The following FANK1 variants were observed in gnomAD, a reference collection of about 807,000 sequenced individuals.
FANK1 encodes fibronectin type III and ankyrin repeat domains 1, also known as fibronectin type 3 and ankyrin repeat domains protein 1.
FANK1 carries 44 observed loss-of-function variants against 45.3 expected under a neutral mutation model. That is an observed-to-expected ratio of 0.97 (90% confidence interval 0.76 to 1.25). The LOEUF is 1.25. Ranked by LOEUF, FANK1 falls within the 50% of genes most tolerant of loss-of-function variation. FANK1 has a pLI of 0.00. For missense variants in FANK1, 391 were observed against 424.4 expected (o/e 0.92, Z 0.69); for synonymous variants, 149 against 152.5 (o/e 0.98, Z 0.17).
chr10:125,945,679 T>C (rs1306075663), intron 1 of FANK1, among the ~76,000 whole-genome samples: 3 of 151,256 alleles, frequency 2.0e-5, no homozygotes, highest in Non-Finnish European at 4.4e-5. Context: ...GGGGGAGGGG[T>C]GCCTGCTATT....
intron 1 of FANK1, among the ~76,000 whole-genome samples, chr10:125,945,696 G>C (rs1482522050): frequency 1.3e-5 from 2 of 152,210 alleles, no homozygotes; most frequent in African/African-American, 2.4e-5. Flanking sequence ...TATTGCCCAG[G>C]CTTGCTTAGG....
At chr10:125,978,375 C>T (rs1356452585) in intron 1 of FANK1, among the ~76,000 whole-genome samples, 1 of 152,090 alleles carries the variant, frequency 6.6e-6, no homozygotes, top group Non-Finnish European at 1.5e-5. Flanking sequence ...TCCGCTTCAG[C>T]CCCTGATCGC....
At chr10:125,954,846 A>G (rs1054692565) in intron 1 of FANK1, among the ~76,000 whole-genome samples, 1 of 152,130 alleles carries the variant, frequency 6.6e-6, no homozygotes, top group African/African-American at 2.4e-5. Flanking sequence ...ACTTGAGCAT[A>G]GGAGGCAGAG....
chr10:125,950,774 C>T (rs1268371351), intron 1 of FANK1, among the ~76,000 whole-genome samples: 3 of 149,884 alleles, frequency 2.0e-5, no homozygotes, highest in African/African-American at 7.4e-5. Flanking sequence ...AATCATGCTG[C>T]TATAAAGACA....
At chr10:125,963,473 A>G (rs557654919) in intron 1 of FANK1, among the ~76,000 whole-genome samples, 7 of 152,330 alleles carry the variant, frequency 4.6e-5, no homozygotes, top group Admixed American at 2.0e-4. Flanking sequence ...ACTATTCACA[A>G]TAGCAAAGAC....
chr10:125,922,728 T>A (rs1041776695), intron 1 of FANK1, among the ~76,000 whole-genome samples: 1 of 152,174 alleles, frequency 6.6e-6, no homozygotes, highest in Non-Finnish European at 1.5e-5. Context: ...TTGCCCAGGC[T>A]GGTCTCAAAC....
chr10:126,007,639 TGC>T (rs1953321690), intron 7 of FANK1, among the ~76,000 whole-genome samples: 1 of 151,846 alleles, frequency 6.6e-6, no homozygotes, highest in Admixed American at 6.6e-5. Flanking sequence ...ATTGTGTGTG[TGC>T]GTGCACGTGC....
intron 2 of FANK1, among the ~76,000 whole-genome samples, chr10:125,985,250 G>C (rs1951475503): frequency 1.3e-5 from 2 of 152,142 alleles, no homozygotes; most frequent in Non-Finnish European, 2.9e-5. Flanking sequence ...ACTGAATTCT[G>C]GTGAGGCTTG....
chr10:125,942,813 CTTTTTTTT>C (rs772933009), intron 1 of FANK1, among the ~76,000 whole-genome samples: 3 of 126,868 alleles, frequency 2.4e-5, no homozygotes, highest in Admixed American at 8.0e-5. Flanking sequence ...TTATAATTTG[CTTTTTTTT>C]TTTTTTTTTT....
intron 1 of FANK1, among the ~76,000 whole-genome samples, chr10:125,948,227 A>G (rs1948949895): frequency 6.6e-6 from 1 of 150,802 alleles, no homozygotes; most frequent in Admixed American, 6.6e-5. Context: ...GAGCAAACAC[A>G]TTCAAAAGCT....
intron 1 of FANK1, among the ~76,000 whole-genome samples, chr10:125,931,381 GT>G (rs1427328322): frequency 6.6e-6 from 1 of 152,158 alleles, no homozygotes; most frequent in African/African-American, 2.4e-5. Flanking sequence ...AGCATCTACT[GT>G]TTTTTGATTT....
At chr10:126,008,240 T>G (rs1417658557) in intron 7 of FANK1, among the ~76,000 whole-genome samples, 167 bp from the exon 8 acceptor site, 1 of 152,126 alleles carries the variant, frequency 6.6e-6, no homozygotes, top group East Asian at 1.9e-4. Flanking sequence ...CCCTGGGGCC[T>G]CTCAGCACCA....
At chr10:125,988,856 A>G (rs1266335603) in intron 3 of FANK1, 181 bp downstream of exon 3, 1 of 942,988 alleles carries the variant, frequency 1.1e-6, no homozygotes, top group East Asian at 2.6e-5. Flanking sequence ...AGGGAAGTCT[A>G]ATTATGCTTT....
chr10:125,989,905 G>A (rs769033215), intron 3 of FANK1, among the ~76,000 whole-genome samples: 21 of 152,184 alleles, frequency 1.4e-4, no homozygotes, highest in Non-Finnish European at 2.5e-4. Flanking sequence ...ACCCCAGCCA[G>A]GATGCCGTCC....
At chr10:125,980,374 T>C in intron 2 of FANK1, 36 bp downstream of exon 2, 3 of 1,581,094 alleles carry the variant, frequency 1.9e-6, no homozygotes, top group East Asian at 2.3e-5. Context: ...CACTTTGCCT[T>C]ACTTCCTGAT....
chr10:125,932,344 G>A (rs1364932038), intron 1 of FANK1, among the ~76,000 whole-genome samples: 1 of 152,114 alleles, frequency 6.6e-6, no homozygotes, highest in African/African-American at 2.4e-5. Context: ...CATGGGATGT[G>A]TTTCCATTTG....
chr10:125,924,179 T>C (rs1413233312), intron 1 of FANK1, among the ~76,000 whole-genome samples: 1 of 152,198 alleles, frequency 6.6e-6, no homozygotes, highest in African/African-American at 2.4e-5. Flanking sequence ...TTGTATTTCA[T>C]TTGTTTGTTA....
At chr10:125,941,100 G>A (rs1187898967) in intron 1 of FANK1, among the ~76,000 whole-genome samples, 2 of 152,088 alleles carry the variant, frequency 1.3e-5, no homozygotes, top group African/African-American at 4.8e-5. Flanking sequence ...TTCTAAACTT[G>A]GGATAGGAAA....
In FANK1 at chr10:125,950,452, C is replaced by T. The variant is rs1172551975; in HGVS notation, c.14-29709C>T. 1.1e-4 allele frequency among the ~76,000 whole-genome samples: 17 copies of T among 151,246 alleles called. No individual in the cohort carries two copies. The East Asian group carries it at 1.2e-3, about 10-fold the overall frequency. On this transcript the variant is annotated intron_variant, in intron 1 of 10. Transcript: ENST00000368693. ...ACAAACAACCCCATCAAAAAGTGGG[C>T]GAAGGACATGAACAGACACTTCTCA... is the stretch of plus-strand genomic sequence containing the variant.
Sources: allele counts gnomAD v4.1 joint callset (sites outside exome capture counted in the v4.1 genomes callset), GRCh38; gene constraint gnomAD v4.1.1; transcripts MANE v1.5; gene names NCBI Gene and HGNC (gene_info 2026-07-23, HGNC 2026-07-21).